OSMR: variants seen among roughly 807,000 people sequenced by gnomAD.
OSMR encodes the protein oncostatin-M-specific receptor subunit beta.
A neutral mutation model predicts 99.9 loss-of-function variants in OSMR; 81 were observed. The ratio of observed to expected loss-of-function variants is 0.81; its 90% confidence interval spans 0.68 to 0.97. The LOEUF is 0.97. OSMR is among the 50% of genes least tolerant of loss of function. The pLI, the probability that OSMR is intolerant of heterozygous loss-of-function variation, is 0.00. For missense variants in OSMR, 1,099 were observed against 1,153.4 expected, an observed-to-expected ratio of 0.95 and a Z score of 0.68; for synonymous variants, 406 against 410.4, an observed-to-expected ratio of 0.99 and a Z score of 0.13.
rs142425410 is a variant in OSMR at position 38,920,244 on chromosome 5, T to A, written c.1585+1182T>A. On this transcript the variant is annotated intron_variant, in intron 11 of 17. Transcript: ENST00000274276. ...CTCCAGCTAGCTATCCTTAAGTGTT[T>A]CTTGTTTCTACATCACCAGCATGTA... 3.0e-3 allele frequency among the ~76,000 whole-genome samples: 458 copies of A among 152,282 alleles called. 1 individual carries two copies. The highest frequency in any genetic ancestry group is 9.1e-3 in the African/African-American group (379 of 41,554).
chr5:38,934,488 A>C lies in OSMR; in HGVS notation c.*1044A>C, dbSNP rs944458065. On this transcript the variant is annotated 3_prime_UTR_variant, in exon 18 of 18. Coordinates refer to ENST00000274276, the MANE Select transcript of OSMR (RefSeq NM_003999.3). ...GGAGCAGCTTTGTCTCCTCTGAACC[A>C]ATATATCCCAAACCAATATATGCAA... 6.6e-6 allele frequency: 1 copy of C among 152,176 alleles called. No homozygotes were observed. The allele number at this position is 152,176 out of a possible 1,614,324, so 9.4% of individuals were successfully genotyped here.
chr5:38,855,477 C>T (rs1289755264), intron 1 of OSMR, among the ~76,000 whole-genome samples: 1 of 152,168 alleles, frequency 6.6e-6, no homozygotes, highest in East Asian at 1.9e-4. Flanking sequence ...GTTACTCCCA[C>T]ACTCCTCTGC....
chr5:38,909,856 G>T (rs1272563935), intron 9 of OSMR, among the ~76,000 whole-genome samples: 1 of 152,158 alleles, frequency 6.6e-6, no homozygotes, highest in Non-Finnish European at 1.5e-5. Context: ...GACAATGACA[G>T]GATCAAATCC....
chr5:38,860,860 A>C (rs1647010648), intron 1 of OSMR, among the ~76,000 whole-genome samples: 1 of 152,076 alleles, frequency 6.6e-6, no homozygotes, highest in Non-Finnish European at 1.5e-5. Flanking sequence ...TTTAGTAGAG[A>C]TGGGGTTTCA....
chr5:38,847,358 T>A (rs1431774196), intron 1 of OSMR, among the ~76,000 whole-genome samples: 1 of 152,090 alleles, frequency 6.6e-6, no homozygotes, highest in Admixed American at 6.5e-5. Context: ...GGGTACTAGT[T>A]TTTTATTATA....
At chr5:38,903,085 C>T (rs546058421) in intron 7 of OSMR, among the ~76,000 whole-genome samples, 1 of 152,342 alleles carries the variant, frequency 6.6e-6, no homozygotes, top group South Asian at 2.1e-4. Context: ...AGCCATTGTT[C>T]TGTCAGATTG....
chr5:38,857,482 C>T (rs1277393713), intron 1 of OSMR, among the ~76,000 whole-genome samples: 1 of 152,086 alleles, frequency 6.6e-6, no homozygotes, highest in Non-Finnish European at 1.5e-5. Context: ...AGTTGTAATA[C>T]AAACTCATTT....
chr5:38,851,208 C>T (rs1740325900), intron 1 of OSMR, among the ~76,000 whole-genome samples: 1 of 152,152 alleles, frequency 6.6e-6, no homozygotes, highest in Admixed American at 6.6e-5. Flanking sequence ...TGCACACACA[C>T]ACGTTTTAAG....
rs200524193 is a variant in OSMR, at chr5:38,941,325, G to GT, written c.75-2868dup. ...TTTCTCAATAACAAGCTTTATTAAT[G>GT]TTTTTTTTAAGGAAATATGGCTCTT... is the stretch of plus-strand genomic sequence containing the variant. On this transcript the variant is annotated intron_variant and NMD_transcript_variant, in intron 1 of 2. Coordinates refer to the OSMR transcript ENST00000508882. 589 of 87,878 alleles carry GT rather than the reference G, an allele frequency of 6.7e-3. 6 individuals carry two copies. Among genetic ancestry groups the GT allele is most frequent in the African/African-American group, 0.023 (532 of 23,158 alleles). The allele number at this position is 87,878 out of a possible 1,614,324, so 5.4% of individuals were successfully genotyped here.
Position 38,918,952 on chromosome 5 carries a change from G to T in OSMR, c.1475G>T (p.Ser492Ile), listed in dbSNP as rs775461387. The T allele has an allele frequency of 6.2e-6, 10 of 1,613,970 alleles. No homozygotes were observed. The African/African-American group carries it at 1.2e-4, about 19-fold the overall frequency. ...CATTCCATTCCAGCACCAGCCAACAGCACAAAACTAATCCTTGACAGGTGT... is the reference window on the plus strand; with the variant it reads ...CATTCCATTCCAGCACCAGCCAACATCACAAAACTAATCCTTGACAGGTGT... ...ELHSIPAPAN[S>I]TKLILDRCSY... is the part of the protein sequence containing the mutation. The change falls in exon 11 of 18, where the codon AGC becomes ATC. Residue 492 changes from serine to isoleucine, a missense_variant. Coordinates refer to ENST00000274276, the MANE Select transcript of OSMR (RefSeq NM_003999.3).
At chr5:38,893,069 A>G (rs1051058427) in intron 7 of OSMR, among the ~76,000 whole-genome samples, 2 of 152,172 alleles carry the variant, frequency 1.3e-5, no homozygotes, top group Non-Finnish European at 2.9e-5. Context: ...ACCTGAAAAA[A>G]CAGAGCACTT....
intron 7 of OSMR, among the ~76,000 whole-genome samples, chr5:38,892,475 G>A (rs1430423): frequency 0.012 from 1,860 of 152,120 alleles, 50 homozygotes; most frequent in African/African-American, 0.043. Flanking sequence ...TAGCTCCCTG[G>A]GAACTGTGGA....
intron 1 of OSMR, among the ~76,000 whole-genome samples, chr5:38,851,305 G>A (rs920936335): frequency 1.3e-5 from 2 of 152,086 alleles, no homozygotes; most frequent in African/African-American, 4.8e-5. Context: ...CTCCATCTCA[G>A]CTCTAAATTT....
intron 11 of OSMR, chr5:38,921,394 C>A: frequency 1.4e-6 from 1 of 719,156 alleles, no homozygotes; most frequent in Non-Finnish European, 1.7e-6. Flanking sequence ...AGAAGGTCAA[C>A]ATGATGGGCA....
At position 38,933,570 on chromosome 5, in the gene OSMR, C is replaced by T. The variant is rs1357545790; in HGVS notation, c.*126C>T. ...TTTGCAGGTCTGGTTTATATAAGAC[C>T]ACTACAGTCTGGCTAGGTTAAAGGC... On this transcript the variant is annotated 3_prime_UTR_variant, in exon 18 of 18. Transcript: ENST00000274276. The T allele has an allele frequency of 2.9e-6, 3 of 1,042,366 alleles. No individual in the cohort carries two copies. The highest frequency in any genetic ancestry group is 2.7e-5 in the South Asian group (2 of 74,790). The allele number at this position is 1,042,366 out of a possible 1,614,324, so 64.6% of individuals were successfully genotyped here. A position where few individuals can be genotyped will look rare whatever the true frequency, so the allele number is the denominator to read the frequency against.
chr5:38,918,812 T>A, intron 10 of OSMR, 28 bp from the exon 11 acceptor site: 1 of 1,612,126 alleles, frequency 6.2e-7, no homozygotes, highest in Non-Finnish European at 8.5e-7. Context: ...AAAACCCATT[T>A]AAAAATGTTT....
chr5:38,929,273 TC>T (rs1432114782), intron 15 of OSMR, among the ~76,000 whole-genome samples: 1 of 152,194 alleles, frequency 6.6e-6, no homozygotes, highest in East Asian at 1.9e-4. Context: ...AAATGTTTAT[TC>T]TGTTGGTATT....
At chr5:38,891,790 G>A (rs1385032776) in intron 7 of OSMR, among the ~76,000 whole-genome samples, 9 of 152,290 alleles carry the variant, frequency 5.9e-5, no homozygotes, top group Admixed American at 2.0e-4. Flanking sequence ...CCATTGCCAC[G>A]GTGCGGAGGA....
At chr5:38,936,163 A>C (rs541412644), downstream of OSMR, among the ~76,000 whole-genome samples, 2 of 152,176 alleles carry the variant, frequency 1.3e-5, no homozygotes, top group Admixed American at 1.3e-4. Flanking sequence ...ATAAACCACT[A>C]TGTATCATCA....
Sources: gnomAD v4.1 joint callset for allele counts (sites outside exome capture counted in the v4.1 genomes callset) on GRCh38, gnomAD v4.1.1 for gene constraint, MANE v1.5 for transcripts, NCBI Gene and HGNC (gene_info 2026-07-23, HGNC 2026-07-21) for gene names.